The following SP3 variants were observed in gnomAD, a reference collection of about 807,000 sequenced individuals.
SP3 encodes transcription factor Sp3.
In SP3, 10 loss-of-function variants were observed where a neutral mutation model predicts 70.3. The ratio of observed to expected loss-of-function variants is 0.14; its 90% CI spans 0.09 to 0.24. SP3 has a LOEUF of 0.24. SP3 is among the 10% of genes least tolerant of loss of function. The pLI, the probability that SP3 is intolerant of heterozygous loss-of-function variation, is 1.00. For synonymous variants in SP3, 402 were observed against 333.5 expected (o/e 1.21, Z -2.24); for missense variants, 825 against 914.6 (o/e 0.90, Z 1.26).
At chr2:173,936,970 G>A (rs1690226135) in intron 4 of SP3, among the ~76,000 whole-genome samples, 1 of 151,810 alleles carries the variant, frequency 6.6e-6, no homozygotes, top group Non-Finnish European at 1.5e-5. Context: ...GCAATTTAGT[G>A]ACTTACTATA....
intron 5 of SP3, among the ~76,000 whole-genome samples, chr2:173,917,621 G>A (rs1219925409): frequency 6.6e-5 from 10 of 152,070 alleles, no homozygotes; most frequent in Admixed American, 6.5e-4. Flanking sequence ...TCTATTAAAA[G>A]TACATTTTAT....
Position 173,956,243 on chromosome 2 carries a change from A to G in SP3, c.280-11T>C, listed in dbSNP as rs1356462579. ...AGCCAAATCACCTGTCTGGATGAAGAAAACAAAAAGGTGATATATTTGTGG... is the reference window on the plus strand; with the variant it reads ...AGCCAAATCACCTGTCTGGATGAAGGAAACAAAAAGGTGATATATTTGTGG... On this transcript the variant is annotated splice_polypyrimidine_tract_variant and intron_variant, in intron 3 of 6. Coordinates refer to ENST00000310015, the MANE Select transcript of SP3 (RefSeq NM_003111.5). 1 of 1,564,430 alleles carries G rather than the reference A, an allele frequency of 6.4e-7. No homozygotes were observed. Among genetic ancestry groups the G allele is most frequent in the Non-Finnish European group, 8.6e-7 (1 of 1,157,396 alleles).
At position 173,908,020 on chromosome 2, in the gene SP3, CTTGA is replaced by C. The variant is rs994038713; in HGVS notation, c.*1917_*1920del. ...CCCACTGTATACATGTGTTAAGAAA[CTTGA>C]TTTTTACTTTAAAACATCTACAATA... On this transcript the variant is annotated 3_prime_UTR_variant, in exon 7 of 7. Transcript: ENST00000310015. 6 of 151,992 alleles carry C rather than the reference CTTGA, an allele frequency of 3.9e-5. No homozygotes were observed. Among genetic ancestry groups the C allele is most frequent in the African/African-American group, 1.4e-4 (6 of 41,402 alleles). 9.4% of individuals were successfully genotyped at this position (151,992 alleles called of 1,614,324 possible).
rs34329180 is a variant in SP3, at chr2:173,901,695, CTTTTTTTTTTTTT to C, written c.*8233_*8245del. ...GGGAAACAGTTAGTTGGACTTAAGC[CTTTTTTTTTTTTT>C]TTTTTTTTTTTGAGACGAAATCTTG... On this transcript the variant is annotated 3_prime_UTR_variant, in exon 7 of 7. Coordinates refer to ENST00000310015, the MANE Select transcript of SP3 (RefSeq NM_003111.5). Among the ~76,000 whole-genome samples, 2 of 74,958 alleles carry C rather than the reference CTTTTTTTTTTTTT, an allele frequency of 2.7e-5. No homozygotes were observed. The highest frequency in any genetic ancestry group is 5.3e-5 in the African/African-American group (1 of 19,020). 49.2% of individuals were successfully genotyped at this position (74,958 alleles called of 152,430 possible). A position where few individuals can be genotyped will look rare whatever the true frequency, so the allele number is the denominator to read the frequency against.
Position 173,965,239 on chromosome 2 carries a change from G to T in SP3, c.-68C>A, listed in dbSNP as rs1471886967. 1.3e-6 allele frequency: 2 copies of T among 1,538,244 alleles called. No individual in the cohort carries two copies. Among genetic ancestry groups the T allele is most frequent in the Non-Finnish European group, 1.8e-6 (2 of 1,138,528 alleles). On this transcript the variant is annotated 5_prime_UTR_variant, in exon 1 of 7. Coordinates refer to ENST00000310015, the MANE Select transcript of SP3 (RefSeq NM_003111.5). ...CACATGGTGAGGAGCGAAGGCGGCG[G>T]CGGCGGGAGAGGATGCGGGAAGCGG...
At chr2:173,963,921 G>T (rs750805657) in intron 2 of SP3, 38 bp from the exon 3 acceptor site, 2 of 1,397,694 alleles carry the variant, frequency 1.4e-6, no homozygotes, top group Admixed American at 5.1e-5. Context: ...GGAGACAGGG[G>T]GAGGGGGTGG....
At position 173,956,242 on chromosome 2, in the gene SP3, G is replaced by C; in HGVS notation, c.280-10C>G. On this transcript the variant is annotated splice_polypyrimidine_tract_variant and intron_variant, in intron 3 of 6. Transcript: ENST00000310015. ...AAGCCAAATCACCTGTCTGGATGAA[G>C]AAAACAAAAAGGTGATATATTTGTG... 2 of 1,559,286 alleles carry C rather than the reference G, an allele frequency of 1.3e-6. No homozygotes were observed. The highest frequency in any genetic ancestry group is 1.7e-6 in the Non-Finnish European group (2 of 1,155,330).
rs1186877725 is a variant in SP3, at chr2:173,908,365, A to T, written c.*1576T>A. On this transcript the variant is annotated 3_prime_UTR_variant, in exon 7 of 7. Coordinates refer to ENST00000310015, the MANE Select transcript of SP3 (RefSeq NM_003111.5). Reference sequence around the variant, plus strand: ...ATTTACTCTAGGTAAAAAATTAGTAAATGACCAGTGTCTCTATATATCTCT... The same window carrying T: ...ATTTACTCTAGGTAAAAAATTAGTATATGACCAGTGTCTCTATATATCTCT... The T allele has an allele frequency of 1.3e-5, 2 of 152,412 alleles. No individual in the cohort carries two copies. Among genetic ancestry groups the T allele is most frequent in the East Asian group, 3.8e-4 (2 of 5,198 alleles). 9.4% of individuals were successfully genotyped at this position (152,412 alleles called of 1,614,324 possible). A position where few individuals can be genotyped will look rare whatever the true frequency, so the allele number is the denominator to read the frequency against.
At chr2:173,964,718 C>CGTT in intron 1 of SP3, 165 bp from the exon 2 acceptor site, 2 of 414,982 alleles carry the variant, frequency 4.8e-6, no homozygotes, top group Non-Finnish European at 8.5e-6. Flanking sequence ...CCCTCCTCCC[C>CGTT]TCCTGCTGCT....
rs1324779967 is a variant in SP3, at chr2:173,907,676, A to C, written c.*2265T>G. On this transcript the variant is annotated 3_prime_UTR_variant, in exon 7 of 7. Transcript: ENST00000310015. ...ACTATCATTCAAATGGTTTAATCTG[A>C]CTTAATGGGCAGTTTGCTCAAGTGA... 1 of 152,138 alleles carries C rather than the reference A, an allele frequency of 6.6e-6. No individual in the cohort carries two copies. The highest frequency in any genetic ancestry group is 2.4e-5 in the African/African-American group (1 of 41,452). 9.4% of individuals were successfully genotyped at this position (152,138 alleles called of 1,614,324 possible).
At position 173,901,597 on chromosome 2, in the gene SP3, T is replaced by C. The variant is rs908254214; in HGVS notation, c.*8344A>G. On this transcript the variant is annotated 3_prime_UTR_variant, in exon 7 of 7. Coordinates refer to ENST00000310015, the MANE Select transcript of SP3 (RefSeq NM_003111.5). Reference sequence around the variant, plus strand: ...GAAAAATTAGAATTAAAGTCATGAGTTATCATTTCACATCCATCAACCCAT... The same window carrying C: ...GAAAAATTAGAATTAAAGTCATGAGCTATCATTTCACATCCATCAACCCAT... Among the ~76,000 whole-genome samples the C allele has an allele frequency of 7.2e-5, 11 of 151,792 alleles. No homozygotes were observed. In the East Asian group the frequency reaches 2.1e-3, roughly 29 times the overall value.
At chr2:173,914,916 C>T (rs917461834) in intron 5 of SP3, 15 of 152,046 alleles carry the variant, frequency 9.9e-5, no homozygotes, top group Non-Finnish European at 2.2e-4. Context: ...TACTGGTGTA[C>T]AAACCAATTT....
intron 4 of SP3, among the ~76,000 whole-genome samples, chr2:173,930,414 GA>G (rs200457135): frequency 4.7e-5 from 7 of 149,624 alleles, no homozygotes; most frequent in Admixed American, 2.7e-4. Context: ...TAATTAAAAA[GA>G]AAAAAAAAGG....
At chr2:173,959,563 T>C (rs1402943437) in intron 3 of SP3, among the ~76,000 whole-genome samples, 5 of 151,914 alleles carry the variant, frequency 3.3e-5, no homozygotes, top group Non-Finnish European at 7.4e-5. Flanking sequence ...CCGCCTCTAC[T>C]AAAAAGACAA....
At chr2:173,952,244 G>A (rs1043893673) in intron 4 of SP3, among the ~76,000 whole-genome samples, 4 of 151,852 alleles carry the variant, frequency 2.6e-5, no homozygotes, top group African/African-American at 9.7e-5. Context: ...GCATAACTGA[G>A]GGAAAAAAGT....
chr2:173,929,737 C>T (rs986802176), intron 4 of SP3, among the ~76,000 whole-genome samples: 3 of 152,146 alleles, frequency 2.0e-5, no homozygotes, highest in Non-Finnish European at 4.4e-5. Flanking sequence ...TATCTTCTAA[C>T]GCTACAAGTG....
Position 173,906,232 on chromosome 2 carries a change from T to A in SP3, c.*3709A>T, listed in dbSNP as rs1214324560. Reference sequence around the variant, plus strand: ...GAGTTTCCCAGACTTCATGCAGAATTCTCCCTCTTCTAGGTTTCTACAGTA... The same window carrying A: ...GAGTTTCCCAGACTTCATGCAGAATACTCCCTCTTCTAGGTTTCTACAGTA... On this transcript the variant is annotated 3_prime_UTR_variant, in exon 7 of 7. Coordinates refer to ENST00000310015, the MANE Select transcript of SP3 (RefSeq NM_003111.5). Among the ~76,000 whole-genome samples the A allele has an allele frequency of 6.6e-6, 1 of 152,148 alleles. No homozygotes were observed. Among genetic ancestry groups the A allele is most frequent in the African/African-American group, 2.4e-5 (1 of 41,426 alleles).
At chr2:173,932,181 A>C (rs1394756388) in intron 4 of SP3, among the ~76,000 whole-genome samples, 2 of 152,064 alleles carry the variant, frequency 1.3e-5, no homozygotes, top group Non-Finnish European at 2.9e-5. Context: ...TAGGGTTATT[A>C]TCAATTTGCC....
chr2:173,954,214 A>G (rs1169088139), intron 4 of SP3, among the ~76,000 whole-genome samples: 3 of 152,232 alleles, frequency 2.0e-5, no homozygotes, highest in Non-Finnish European at 2.9e-5. Flanking sequence ...AAACTTTATT[A>G]TTTAATTCTT....
Sources: allele counts gnomAD v4.1 joint callset (sites outside exome capture counted in the v4.1 genomes callset), GRCh38; gene constraint gnomAD v4.1.1; transcripts MANE v1.5; gene names NCBI Gene and HGNC (gene_info 2026-07-23, HGNC 2026-07-21).